EEPD1: variants seen among roughly 807,000 people sequenced by gnomAD.
The protein encoded by EEPD1 is endonuclease/exonuclease/phosphatase family domain containing 1, also known as endonuclease/exonuclease/phosphatase family domain-containing protein 1.
Under a neutral mutation model 46.3 loss-of-function variants are expected in EEPD1, and 17 were observed. The ratio of observed to expected loss-of-function variants is 0.37; its 90% CI spans 0.25 to 0.55. The LOEUF is 0.55. Among genes scored for constraint, EEPD1 ranks in the 20% least tolerant of loss-of-function variants. EEPD1 has a pLI of 0.83. For missense variants in EEPD1, 673 were observed against 745.6 expected (o/e 0.90, Z 1.13); for synonymous variants, 313 against 315.6 (o/e 0.99, Z 0.09).
At chr7:36,246,297 G>T (rs1431513392) in intron 3 of EEPD1, among the ~76,000 whole-genome samples, 1 of 152,216 alleles carries the variant, frequency 6.6e-6, no homozygotes, top group Non-Finnish European at 1.5e-5. Context: ...AGTGGTGGGG[G>T]TTGAAGCCAG....
chr7:36,285,442 A>G (rs1023945434), intron 5 of EEPD1, among the ~76,000 whole-genome samples: 1 of 152,148 alleles, frequency 6.6e-6, no homozygotes, highest in Non-Finnish European at 1.5e-5. Context: ...GGCATCGCCC[A>G]TGTGGGAATC....
intron 2 of EEPD1, among the ~76,000 whole-genome samples, chr7:36,228,284 T>TG (rs1371448942): frequency 1.3e-5 from 2 of 152,088 alleles, no homozygotes; most frequent in African/African-American, 4.8e-5. Context: ...ATCCCGCACT[T>TG]CGGGAGGTTG....
At chr7:36,285,191 C>T (rs769327698) in intron 5 of EEPD1, among the ~76,000 whole-genome samples, 17 of 152,182 alleles carry the variant, frequency 1.1e-4, no homozygotes, top group Middle Eastern at 3.2e-3. Flanking sequence ...TCCGGATGGC[C>T]TACTTTCCAA....
At chr7:36,196,376 TC>T (rs1479115055) in intron 2 of EEPD1, among the ~76,000 whole-genome samples, 1 of 152,042 alleles carries the variant, frequency 6.6e-6, no homozygotes, top group Non-Finnish European at 1.5e-5. Context: ...TCAGCTCGTC[TC>T]CCGTCTCCCT....
At chr7:36,288,935 G>A (rs2115887149) in intron 6 of EEPD1, among the ~76,000 whole-genome samples, 1 of 152,330 alleles carries the variant, frequency 6.6e-6, no homozygotes, top group South Asian at 2.1e-4. Context: ...GTCTAGGTGA[G>A]TTTGTAGTTG....
intron 2 of EEPD1, among the ~76,000 whole-genome samples, chr7:36,164,449 A>G (rs1015021440): frequency 1.3e-5 from 2 of 152,232 alleles, no homozygotes; most frequent in Non-Finnish European, 2.9e-5. Flanking sequence ...GCATCCATCA[A>G]CTTGTTTTAC....
chr7:36,171,524 T>C (rs974344849), intron 2 of EEPD1, among the ~76,000 whole-genome samples: 1 of 152,236 alleles, frequency 6.6e-6, no homozygotes, highest in African/African-American at 2.4e-5. Context: ...AATCTTGTTT[T>C]ACTAAATCTT....
At chr7:36,290,400 T>G (rs947688975) in intron 6 of EEPD1, among the ~76,000 whole-genome samples, 1 of 151,722 alleles carries the variant, frequency 6.6e-6, no homozygotes, top group African/African-American at 2.4e-5. Context: ...CCCAATTAAT[T>G]ATTAACTGGT....
intron 2 of EEPD1, among the ~76,000 whole-genome samples, chr7:36,206,332 C>A (rs1785817128): frequency 6.6e-6 from 1 of 150,904 alleles, no homozygotes; most frequent in Non-Finnish European, 1.5e-5. Flanking sequence ...AAACAGACAA[C>A]AGTCATTTTA....
chr7:36,247,483 G>A (rs1374536816), intron 3 of EEPD1, among the ~76,000 whole-genome samples: 1 of 152,132 alleles, frequency 6.6e-6, no homozygotes, highest in African/African-American at 2.4e-5. Context: ...TTACCAACGG[G>A]GATAAAGTTA....
At chr7:36,192,545 T>C (rs1282554111) in intron 2 of EEPD1, among the ~76,000 whole-genome samples, 1 of 152,126 alleles carries the variant, frequency 6.6e-6, no homozygotes, top group Non-Finnish European at 1.5e-5. Flanking sequence ...TACATACATA[T>C]TGAAAAGTAC....
intron 2 of EEPD1, among the ~76,000 whole-genome samples, chr7:36,178,624 A>G (rs1785223581): frequency 6.6e-6 from 1 of 152,200 alleles, no homozygotes; most frequent in African/African-American, 2.4e-5. Context: ...AAAGCCAGCC[A>G]GGAGTGCATG....
chr7:36,169,575 A>C (rs948837717), intron 2 of EEPD1, among the ~76,000 whole-genome samples: 1 of 152,172 alleles, frequency 6.6e-6, no homozygotes, highest in Non-Finnish European at 1.5e-5. Context: ...TCATTTTCAA[A>C]CTTGTTTCTA....
chr7:36,213,403 T>C (rs10277506), intron 2 of EEPD1, among the ~76,000 whole-genome samples: 13,865 of 152,094 alleles, frequency 0.091, 866 homozygotes, highest in East Asian at 0.31. Context: ...TCATTTACCA[T>C]GTTGAGTTTG....
intron 2 of EEPD1, among the ~76,000 whole-genome samples, chr7:36,197,940 T>A (rs949112864): frequency 4.6e-5 from 7 of 151,944 alleles, no homozygotes; most frequent in Middle Eastern, 3.4e-3. Flanking sequence ...TCAACAATAC[T>A]AGAATAGCAT....
intron 2 of EEPD1, among the ~76,000 whole-genome samples, chr7:36,226,843 C>A (rs1480319832): frequency 1.3e-5 from 2 of 151,894 alleles, no homozygotes. Context: ...AAAAGTATGG[C>A]TTTATATATA....
rs143334100 is a variant in EEPD1 at position 36,267,830 on chromosome 7, C to T, written c.931-13285C>T. Among the ~76,000 whole-genome samples the T allele has an allele frequency of 1.6e-3, 251 of 152,196 alleles. 2 individuals carry two copies. The highest frequency in any genetic ancestry group is 5.6e-3 in the African/African-American group (233 of 41,508). ...TATGATGGTGTTTGGAGGTAGAGTC[C>T]TTGGGAGGTAATTGGGTCATGAGGG... is the stretch of plus-strand genomic sequence containing the variant. On this transcript the variant is annotated intron_variant, in intron 3 of 7. Coordinates refer to ENST00000242108, the MANE Select transcript of EEPD1 (RefSeq NM_030636.3).
intron 3 of EEPD1, among the ~76,000 whole-genome samples, chr7:36,273,781 G>A (rs1787146328): frequency 6.6e-6 from 1 of 152,170 alleles, no homozygotes; most frequent in Non-Finnish European, 1.5e-5. Flanking sequence ...TCAGTGATGT[G>A]TGCAGGGTCC....
Position 36,260,211 on chromosome 7 carries a change from A to T in EEPD1, c.931-20904A>T, listed in dbSNP as rs529425296. On this transcript the variant is annotated intron_variant, in intron 3 of 7. Coordinates refer to ENST00000242108, the MANE Select transcript of EEPD1 (RefSeq NM_030636.3). ...TGGGGTCATTTGCTTTTAGCCTAAA[A>T]ATCTGTCTTTTGGGTTTCTTATCAG... Among the ~76,000 whole-genome samples, 4 of 152,314 alleles carry T rather than the reference A, an allele frequency of 2.6e-5. No homozygotes were observed. In the East Asian group the frequency reaches 7.7e-4, roughly 29 times the overall value.
Sources: allele counts gnomAD v4.1 joint callset (sites outside exome capture counted in the v4.1 genomes callset), GRCh38; gene constraint gnomAD v4.1.1; transcripts MANE v1.5; gene names NCBI Gene and HGNC (gene_info 2026-07-23, HGNC 2026-07-21).